CSMD3: variants seen among roughly 807,000 people sequenced by gnomAD.
The protein encoded by CSMD3 is CUB and Sushi multiple domains 3, also known as CUB and sushi domain-containing protein 3.
CSMD3 carries 177 observed loss-of-function variants against 435.2 expected under a neutral mutation model. The ratio of observed to expected loss-of-function variants is 0.41; its 90% CI spans 0.36 to 0.46. The LOEUF is 0.46. CSMD3 is among the 20% of genes least tolerant of loss of function. The pLI, the probability that CSMD3 is intolerant of heterozygous loss-of-function variation, is 0.34. For synonymous variants in CSMD3, 1,656 were observed against 1,520.5 expected (o/e 1.09, Z -2.07); for missense variants, 4,265 against 4,504.6 (o/e 0.95, Z 1.52).
chr8:113,278,290 G>A (rs2093586963), intron 3 of CSMD3, among the ~76,000 whole-genome samples: 1 of 151,682 alleles, frequency 6.6e-6, no homozygotes, highest in Non-Finnish European at 1.5e-5. Flanking sequence ...GGGACTGTAG[G>A]GTAGGGTCTG....
At chr8:112,503,325 C>T (rs1419057558) in intron 30 of CSMD3, among the ~76,000 whole-genome samples, 2 of 152,184 alleles carry the variant, frequency 1.3e-5, no homozygotes, top group Non-Finnish European at 2.9e-5. Context: ...TCAAGTAATC[C>T]TCCTGCCTTG....
chr8:112,846,180 A>C (rs2132553499), intron 11 of CSMD3, among the ~76,000 whole-genome samples: 1 of 152,080 alleles, frequency 6.6e-6, no homozygotes, highest in African/African-American at 2.4e-5. Flanking sequence ...TCTTCTATCT[A>C]GAGATAATTC....
chr8:112,885,522 A>C (rs1462059896), intron 10 of CSMD3, among the ~76,000 whole-genome samples: 2 of 151,654 alleles, frequency 1.3e-5, no homozygotes, highest in Non-Finnish European at 2.9e-5. Context: ...AATATATGTA[A>C]TTCCTCCATA....
At position 113,062,244 on chromosome 8, in the gene CSMD3, T is replaced by A. The variant is rs1182311919; in HGVS notation, c.917+36512A>T. Among the ~76,000 whole-genome samples, 3 of 151,896 alleles carry A rather than the reference T, an allele frequency of 2.0e-5. No homozygotes were observed. The East Asian group carries it at 5.8e-4, about 29-fold the overall frequency. ...TATTGACATTTCATCAAGTTACATA[T>A]ATACACACTAAAAGTATCCCAATAA... On this transcript the variant is annotated intron_variant, in intron 5 of 70. Coordinates refer to ENST00000297405, the MANE Select transcript of CSMD3 (RefSeq NM_198123.2).
At chr8:112,246,029 G>A (rs1015932141) in intron 64 of CSMD3, among the ~76,000 whole-genome samples, 2 of 152,090 alleles carry the variant, frequency 1.3e-5, no homozygotes, top group African/African-American at 4.8e-5. Context: ...CCCAACTAGA[G>A]GACATCAAAG....
At chr8:112,660,480 A>G (rs1337263560) in intron 17 of CSMD3, among the ~76,000 whole-genome samples, 1 of 152,194 alleles carries the variant, frequency 6.6e-6, no homozygotes, top group Non-Finnish European at 1.5e-5. Context: ...CTGGCAAAGC[A>G]TATGGAATAT....
chr8:112,946,535 A>G lies in CSMD3; in HGVS notation c.1508+1255T>C, dbSNP rs1387225664. 2.6e-5 allele frequency among the ~76,000 whole-genome samples: 4 copies of G among 151,764 alleles called. No individual in the cohort carries two copies. In the Admixed American group the frequency reaches 2.6e-4, roughly 10 times the overall value. The stretch of plus-strand genomic sequence containing the variant: ...GTTTTCTCATTTAAAATGTAGGGAT[A>G]AAATAGTAAGTGCTTATAAGATTGT... On this transcript the variant is annotated intron_variant, in intron 9 of 70. Coordinates refer to ENST00000297405, the MANE Select transcript of CSMD3 (RefSeq NM_198123.2).
intron 66 of CSMD3, among the ~76,000 whole-genome samples, chr8:112,241,180 A>G (rs1051780416): frequency 2.0e-5 from 3 of 152,024 alleles, no homozygotes; most frequent in Non-Finnish European, 1.5e-5. Flanking sequence ...AGATTCAGAT[A>G]TATAAAATAA....
intron 3 of CSMD3, among the ~76,000 whole-genome samples, chr8:113,221,028 C>T (rs1325948922): frequency 1.3e-5 from 2 of 151,190 alleles, no homozygotes; most frequent in African/African-American, 2.4e-5. Context: ...ATATCAATGT[C>T]ATAAACTAGA....
intron 32 of CSMD3, among the ~76,000 whole-genome samples, chr8:112,438,989 C>T (rs1276233271): frequency 6.6e-6 from 1 of 152,128 alleles, no homozygotes; most frequent in East Asian, 1.9e-4. Flanking sequence ...GCTAATTTTA[C>T]AAGCTGTTGA....
At chr8:113,006,897 C>T (rs1041017705) in intron 6 of CSMD3, among the ~76,000 whole-genome samples, 3 of 151,902 alleles carry the variant, frequency 2.0e-5, no homozygotes, top group African/African-American at 4.8e-5. Flanking sequence ...AGGCCCTGGA[C>T]ATCCCATGAC....
intron 21 of CSMD3, among the ~76,000 whole-genome samples, chr8:112,637,407 G>T (rs2074692825): frequency 6.6e-6 from 1 of 151,904 alleles, no homozygotes; most frequent in African/African-American, 2.4e-5. Context: ...AAATGCTTTT[G>T]CTTAATATTT....
intron 4 of CSMD3, among the ~76,000 whole-genome samples, chr8:113,117,825 T>C (rs992296827): frequency 2.6e-5 from 4 of 152,230 alleles, no homozygotes; most frequent in African/African-American, 4.8e-5. Flanking sequence ...CTGCTGGATT[T>C]TGGATTTCCA....
intron 12 of CSMD3, among the ~76,000 whole-genome samples, chr8:112,824,434 G>A (rs974565942): frequency 1.3e-5 from 2 of 152,118 alleles, no homozygotes; most frequent in East Asian, 3.9e-4. Context: ...TTTTGCAGTG[G>A]CTGGTACTTG....
intron 5 of CSMD3, among the ~76,000 whole-genome samples, chr8:113,096,133 T>G (rs1428801020): frequency 6.6e-6 from 1 of 152,188 alleles, no homozygotes; most frequent in Non-Finnish European, 1.5e-5. Flanking sequence ...CCCACACCTT[T>G]GACTTGAAAC....
At chr8:113,339,126 T>C (rs1314491676) in intron 1 of CSMD3, among the ~76,000 whole-genome samples, 1 of 151,950 alleles carries the variant, frequency 6.6e-6, no homozygotes, top group Non-Finnish European at 1.5e-5. Flanking sequence ...AGAATAACTA[T>C]TTTAAAGATT....
At chr8:112,693,486 T>C (rs1009092304) in intron 13 of CSMD3, among the ~76,000 whole-genome samples, 1 of 152,066 alleles carries the variant, frequency 6.6e-6, no homozygotes, top group Non-Finnish European at 1.5e-5. Flanking sequence ...TCCTCTAGTC[T>C]ATTATCCATC....
intron 13 of CSMD3, among the ~76,000 whole-genome samples, chr8:112,723,954 C>A (rs1271000394): frequency 6.6e-6 from 1 of 151,818 alleles, no homozygotes; most frequent in Non-Finnish European, 1.5e-5. Context: ...AATGAGAGAT[C>A]ATCCGTTCAC....
intron 25 of CSMD3, among the ~76,000 whole-genome samples, chr8:112,553,963 G>A (rs982830065): frequency 6.6e-6 from 1 of 151,960 alleles, no homozygotes; most frequent in African/African-American, 2.4e-5. Flanking sequence ...TCTACACTCA[G>A]TTGACTTGTA....
Sources: gnomAD v4.1 joint callset for allele counts (sites outside exome capture counted in the v4.1 genomes callset) on GRCh38, gnomAD v4.1.1 for gene constraint, MANE v1.5 for transcripts, NCBI Gene and HGNC (gene_info 2026-07-23, HGNC 2026-07-21) for gene names.